The following BUD31 variants were observed in gnomAD, a reference collection of about 807,000 sequenced individuals.
BUD31 encodes the protein BUD31 spliceosome associated protein.
A neutral mutation model predicts 17.9 loss-of-function variants in BUD31; 9 were observed. The ratio of observed to expected loss-of-function variants is 0.50; its 90% confidence interval spans 0.30 to 0.88. The LOEUF (loss-of-function observed/expected upper bound fraction) is 0.88. BUD31 is among the 40% of genes least tolerant of loss of function. The pLI is 0.06. For synonymous variants in BUD31, 70 were observed against 64.7 expected, an observed-to-expected ratio of 1.08 and a Z score of -0.39; for missense variants, 148 against 184.5, an observed-to-expected ratio of 0.80 and a Z score of 1.15.
chr7:99,419,080 G>C, intron 5 of BUD31: 1 of 416,676 alleles, frequency 2.4e-6, no homozygotes, highest in Non-Finnish European at 4.5e-6. Context: ...CGCAGGGTCT[G>C]TCATGCTCAC....
chr7:99,416,109 C>G, intron 3 of BUD31, 29 bp from the exon 4 acceptor site: 1 of 1,611,242 alleles, frequency 6.2e-7, no homozygotes, highest in African/African-American at 1.3e-5. Context: ...GACCCTATTC[C>G]CCCAAACACA....
intron 4 of BUD31, 89 bp from the exon 5 acceptor site, chr7:99,417,340 A>G: frequency 3.6e-6 from 5 of 1,381,562 alleles, no homozygotes; most frequent in Non-Finnish European, 5.1e-6. Flanking sequence ...GGTGTGAGCC[A>G]CTGCACCCGG....
At chr7:99,417,222 T>G in intron 4 of BUD31, 1 of 481,836 alleles carries the variant, frequency 2.1e-6, no homozygotes. Flanking sequence ...CCGAGTAATT[T>G]TTGTATTTTT....
chr7:99,412,222 G>C (rs1376138274), intron 3 of BUD31, among the ~76,000 whole-genome samples: 1 of 152,120 alleles, frequency 6.6e-6, no homozygotes, highest in Non-Finnish European at 1.5e-5. Flanking sequence ...CAGTAATCAC[G>C]GTCATTTTGG....
intron 5 of BUD31, chr7:99,418,088 C>A: frequency 7.2e-6 from 5 of 693,384 alleles, no homozygotes; most frequent in Non-Finnish European, 5.6e-6. Context: ...CTGCCTCATC[C>A]TCCTGAGTAG....
At chr7:99,413,222 T>C (rs1025297046) in intron 3 of BUD31, among the ~76,000 whole-genome samples, 2 of 152,140 alleles carry the variant, frequency 1.3e-5, no homozygotes, top group Admixed American at 6.5e-5. Context: ...CAGGGAGGGA[T>C]AGTCTTCTTG....
chr7:99,411,248 CA>C, intron 3 of BUD31, 62 bp downstream of exon 3: 2 of 1,240,344 alleles, frequency 1.6e-6, no homozygotes, highest in Non-Finnish European at 2.4e-6. Flanking sequence ...TAGATGCCCC[CA>C]GGGGACAGGC....
intron 5 of BUD31, 29 bp from the exon 6 acceptor site, chr7:99,419,362 C>T (rs1362762061): frequency 6.2e-7 from 1 of 1,612,176 alleles, no homozygotes; most frequent in East Asian, 2.2e-5. Context: ...GGCGCAGTGG[C>T]ATCGTCTCAC....
intron 3 of BUD31, 92 bp downstream of exon 3, chr7:99,411,278 A>G (rs1436676214): frequency 2.1e-6 from 2 of 950,608 alleles, no homozygotes. Flanking sequence ...AAATATAAAA[A>G]GAGAGTGGTC....
chr7:99,411,745 TC>T (rs1174576180), intron 3 of BUD31: 2 of 455,312 alleles, frequency 4.4e-6, no homozygotes, highest in East Asian at 1.4e-4. Context: ...TGCTCTGTCT[TC>T]CAGGCTGCAG....
chr7:99,412,667 A>G (rs1424383824), intron 3 of BUD31, among the ~76,000 whole-genome samples: 6 of 148,962 alleles, frequency 4.0e-5, no homozygotes, highest in Admixed American at 6.7e-5. Flanking sequence ...GCTGGAGTGC[A>G]GTGGCGCGAT....
chr7:99,417,861 T>C (rs1440501425), intron 5 of BUD31: 4 of 1,402,796 alleles, frequency 2.9e-6, no homozygotes, highest in Non-Finnish European at 3.7e-6. Context: ...GAAATGGTGG[T>C]GGGGAGCCCT....
chr7:99,414,625 C>T (rs775127206), intron 3 of BUD31, among the ~76,000 whole-genome samples: 2 of 151,862 alleles, frequency 1.3e-5, no homozygotes, highest in African/African-American at 2.4e-5. Flanking sequence ...AGACGGGAGT[C>T]TTGCTTTGTT....
chr7:99,416,291 G>C (rs1225433963), intron 4 of BUD31, 31 bp downstream of exon 4: 2 of 1,600,696 alleles, frequency 1.2e-6, no homozygotes, highest in East Asian at 2.2e-5. Context: ...GGACTTTGAA[G>C]CTCGCGTCAC....
At chr7:99,413,153 TTC>T (rs986527838) in intron 3 of BUD31, among the ~76,000 whole-genome samples, 16 of 151,996 alleles carry the variant, frequency 1.1e-4, no homozygotes, top group African/African-American at 3.6e-4. Context: ...GATCACAGCA[TTC>T]TGTTTGTTGA....
At chr7:99,415,182 G>T in intron 3 of BUD31, 1 of 452,740 alleles carries the variant, frequency 2.2e-6, no homozygotes, top group Admixed American at 2.4e-5. Flanking sequence ...GACCGGTAGT[G>T]GCCCCAAATG....
intron 3 of BUD31, chr7:99,415,169 G>T: frequency 2.2e-6 from 1 of 448,904 alleles, no homozygotes; most frequent in Non-Finnish European, 4.5e-6. Flanking sequence ...ACCAAGACGC[G>T]GAGACCGGTA....
At chr7:99,412,935 T>A (rs1248500158) in intron 3 of BUD31, among the ~76,000 whole-genome samples, 4 of 152,014 alleles carry the variant, frequency 2.6e-5, no homozygotes, top group Non-Finnish European at 5.9e-5. Context: ...CTTGGCTAAT[T>A]TTTTGTAGAG....
intron 1 of BUD31, among the ~76,000 whole-genome samples, chr7:99,409,780 T>TG (rs1554353400): frequency 9.8e-5 from 6 of 61,114 alleles, no homozygotes; most frequent in African/African-American, 1.9e-4. Context: ...GGGGGGGGGG[T>TG]GGGTCTTTGT....
Sources: gnomAD v4.1 joint callset for allele counts (sites outside exome capture counted in the v4.1 genomes callset) on GRCh38, gnomAD v4.1.1 for gene constraint, MANE v1.5 for transcripts, NCBI Gene and HGNC (gene_info 2026-07-23, HGNC 2026-07-21) for gene names.